The following MIPEP variants were observed in gnomAD, a reference collection of about 807,000 sequenced individuals.
MIPEP encodes mitochondrial intermediate peptidase.
A neutral mutation model predicts 90.3 loss-of-function variants in MIPEP; 79 were observed. That is an observed-to-expected ratio of 0.87 (90% CI 0.73 to 1.05). The LOEUF is 1.05. Ranked by LOEUF, MIPEP falls within the 50% of genes least tolerant of loss-of-function variation. The pLI is 0.00. For missense variants in MIPEP, 940 were observed against 905.6 expected (o/e 1.04, Z -0.49); for synonymous variants, 334 against 315.8 (o/e 1.06, Z -0.61).
At chr13:23,734,748 G>C (rs1331209715) in intron 18 of MIPEP, among the ~76,000 whole-genome samples, 1 of 151,950 alleles carries the variant, frequency 6.6e-6, no homozygotes, top group Admixed American at 6.6e-5. Flanking sequence ...TTTCCAGCAG[G>C]AAGTAGCCAG....
chr13:23,888,866 C>T (rs1397903382), intron 1 of MIPEP: 2 of 612,586 alleles, frequency 3.3e-6, no homozygotes, highest in Admixed American at 4.5e-5. Flanking sequence ...CCAGAACGAA[C>T]TATTCAGATT....
At chr13:23,743,515 T>C (rs1421365416) in intron 18 of MIPEP, among the ~76,000 whole-genome samples, 1 of 152,254 alleles carries the variant, frequency 6.6e-6, no homozygotes, top group Non-Finnish European at 1.5e-5. Flanking sequence ...AAAAAGACTC[T>C]GCTGCTCCCT....
chr13:23,873,523 T>C (rs1805071631), intron 5 of MIPEP, among the ~76,000 whole-genome samples: 1 of 152,100 alleles, frequency 6.6e-6, no homozygotes, highest in African/African-American at 2.4e-5. Flanking sequence ...AAGCTCAAAA[T>C]TGTTGTGAGG....
At chr13:23,763,761 C>G (rs1952569450) in intron 16 of MIPEP, among the ~76,000 whole-genome samples, 1 of 152,216 alleles carries the variant, frequency 6.6e-6, no homozygotes, top group South Asian at 2.1e-4. Flanking sequence ...TCTTCTGGCA[C>G]ACACATGCCC....
At chr13:23,779,446 C>A (rs1952753154) in intron 16 of MIPEP, among the ~76,000 whole-genome samples, 4 of 152,006 alleles carry the variant, frequency 2.6e-5, no homozygotes, top group Admixed American at 2.6e-4. Flanking sequence ...AACCATAAAA[C>A]AAATACATTT....
chr13:23,773,825 G>C (rs1474539101), intron 16 of MIPEP, among the ~76,000 whole-genome samples: 2 of 152,116 alleles, frequency 1.3e-5, no homozygotes, highest in Non-Finnish European at 2.9e-5. Context: ...ATTAAACTCT[G>C]ATCAGATACA....
chr13:23,867,095 T>C (rs933645534), intron 7 of MIPEP, among the ~76,000 whole-genome samples: 3 of 152,156 alleles, frequency 2.0e-5, no homozygotes, highest in Non-Finnish European at 2.9e-5. Flanking sequence ...TGCAGTCTTC[T>C]CTCAGGAACA....
chr13:23,875,409 A>G (rs1395206536), intron 4 of MIPEP, among the ~76,000 whole-genome samples: 1 of 152,144 alleles, frequency 6.6e-6, no homozygotes, highest in Non-Finnish European at 1.5e-5. Context: ...AGCCAGTAGC[A>G]GCTATTTAGA....
intron 13 of MIPEP, among the ~76,000 whole-genome samples, chr13:23,836,970 C>A (rs1277481370): frequency 6.6e-6 from 1 of 152,176 alleles, no homozygotes; most frequent in Non-Finnish European, 1.5e-5. Flanking sequence ...CAACAATTCA[C>A]TAGTGGTCTA....
intron 14 of MIPEP, among the ~76,000 whole-genome samples, chr13:23,829,525 A>T (rs9507167): frequency 2.6e-5 from 4 of 151,992 alleles, no homozygotes; most frequent in African/African-American, 7.3e-5. Flanking sequence ...AACTGAGACA[A>T]GACATATGCC....
At chr13:23,814,754 C>T (rs1341132657) in intron 14 of MIPEP, among the ~76,000 whole-genome samples, 1 of 152,158 alleles carries the variant, frequency 6.6e-6, no homozygotes, top group Non-Finnish European at 1.5e-5. Flanking sequence ...TCACAATATC[C>T]AATTAATCAA....
chr13:23,867,165 C>T (rs1192317875), intron 7 of MIPEP, among the ~76,000 whole-genome samples: 2 of 152,124 alleles, frequency 1.3e-5, no homozygotes, highest in African/African-American at 4.8e-5. Context: ...GCCCCAACCC[C>T]CACAGTGACC....
rs548554593 is a variant in MIPEP at position 23,816,896 on chromosome 13, C to T, written c.1654-6972G>A. On this transcript the variant is annotated intron_variant, in intron 14 of 18. Coordinates refer to ENST00000382172, the MANE Select transcript of MIPEP (RefSeq NM_005932.4). ...TTCCAGATTGATATTCCAGTCCACA[C>T]TGGGACTCTAACAATTCGCTAAAGT... is the stretch of plus-strand genomic sequence containing the variant. Among the ~76,000 whole-genome samples, 3 of 152,332 alleles carry T rather than the reference C, an allele frequency of 2.0e-5. No homozygotes were observed. In the South Asian group the frequency reaches 6.2e-4, roughly 32 times the overall value.
chr13:23,753,111 C>T lies in MIPEP; in HGVS notation c.2044+3434G>A, dbSNP rs147899986. 7.6e-3 allele frequency among the ~76,000 whole-genome samples: 1,154 copies of T among 151,898 alleles called. 5 individuals carry two copies. Among genetic ancestry groups the T allele is most frequent in the Non-Finnish European group, 0.012 (784 of 67,954 alleles). Reference sequence around the variant, plus strand: ...GGCATGGTGGCACATGCCTGTGGTCCCAGCTACTCAGGAGGCTGAGGCAGG... The same window carrying T: ...GGCATGGTGGCACATGCCTGTGGTCTCAGCTACTCAGGAGGCTGAGGCAGG... On this transcript the variant is annotated intron_variant, in intron 18 of 18. Coordinates refer to ENST00000382172, the MANE Select transcript of MIPEP (RefSeq NM_005932.4).
At chr13:23,888,680 T>C in intron 1 of MIPEP, 1 of 989,226 alleles carries the variant, frequency 1.0e-6, no homozygotes, top group Non-Finnish European at 1.2e-6. Flanking sequence ...GAAATTACCA[T>C]TACTCGACTG....
intron 16 of MIPEP, among the ~76,000 whole-genome samples, chr13:23,769,328 T>C (rs1371922675): frequency 6.6e-6 from 1 of 152,168 alleles, no homozygotes; most frequent in East Asian, 1.9e-4. Context: ...GGTTCTGTTT[T>C]TGTTTTCATG....
At chr13:23,767,777 T>C in intron 16 of MIPEP, among the ~76,000 whole-genome samples, 1 of 152,182 alleles carries the variant, frequency 6.6e-6, no homozygotes, top group East Asian at 1.9e-4. Context: ...TTAATTTTTT[T>C]TTGTAAATAT....
intron 18 of MIPEP, among the ~76,000 whole-genome samples, chr13:23,731,817 T>C (rs993417520): frequency 8.5e-5 from 13 of 152,052 alleles, no homozygotes; most frequent in Non-Finnish European, 1.5e-4. Flanking sequence ...ACAAAAGATT[T>C]TACCTTCACA....
intron 18 of MIPEP, among the ~76,000 whole-genome samples, chr13:23,731,198 T>C (rs903305444): frequency 1.3e-5 from 2 of 152,216 alleles, no homozygotes; most frequent in African/African-American, 4.8e-5. Flanking sequence ...AACTGAAGGG[T>C]TGAACAGGCT....
Sources: allele counts gnomAD v4.1 joint callset (sites outside exome capture counted in the v4.1 genomes callset), GRCh38; gene constraint gnomAD v4.1.1; transcripts MANE v1.5; gene names NCBI Gene and HGNC (gene_info 2026-07-23, HGNC 2026-07-21).